The following SLC6A7 variants were observed in gnomAD, a reference collection of about 807,000 sequenced individuals.
SLC6A7 encodes the protein solute carrier family 6 member 7, also known as sodium-dependent proline transporter.
Under a neutral mutation model 73.1 loss-of-function variants are expected in SLC6A7, and 58 were observed. The ratio of observed to expected loss-of-function variants is 0.79; its 90% CI spans 0.64 to 0.99. SLC6A7 has a LOEUF of 0.99. Ranked by LOEUF, SLC6A7 falls within the 50% of genes least tolerant of loss-of-function variation. The pLI is 0.00. For missense variants in SLC6A7, 783 were observed against 831.4 expected (o/e 0.94, Z 0.72); for synonymous variants, 338 against 338.7 (o/e 1.00, Z 0.02).
chr5:150,194,306 G>A (rs377546002), intron 1 of SLC6A7, among the ~76,000 whole-genome samples: 4 of 152,066 alleles, frequency 2.6e-5, no homozygotes, highest in African/African-American at 4.8e-5. Flanking sequence ...GTGGGCGCCT[G>A]TAGTCCCAGC....
At chr5:150,205,307 C>A (rs4423986) in intron 12 of SLC6A7, 149 bp from the exon 13 acceptor site, 614,281 of 617,262 alleles carry the variant, frequency 1, 305,727 homozygotes, top group East Asian at 1. Flanking sequence ...CCAAAGATGG[C>A]CCACTTCAGG....
At position 150,205,486 on chromosome 5, in the gene SLC6A7, C is replaced by T. The variant is rs1485948655; in HGVS notation, c.1564C>T (p.Gln522Ter). 3.7e-6 allele frequency: 6 copies of T among 1,611,582 alleles called. No individual in the cohort carries two copies. Among genetic ancestry groups the T allele is most frequent in the African/African-American group, 1.3e-5 (1 of 74,956 alleles). The change falls in exon 13 of 14, where the codon CAG (glutamine) becomes TAG (stop). Residue 522 changes from glutamine (Q) to a stop codon, truncating the protein, a stop_gained. Coordinates refer to ENST00000230671, the MANE Select transcript of SLC6A7 (RefSeq NM_014228.5). LOFTEE classifies it high-confidence loss of function. Reference sequence around the variant, plus strand: ...CATGGTGTATAGCATCGTCAAGTACCAGCCCTCGGAGTATGGCAGTTACCG... The same window carrying T: ...CATGGTGTATAGCATCGTCAAGTACTAGCCCTCGGAGTATGGCAGTTACCG... ...ALMVYSIVKY[Q>*]PSEYGSYRFP...
At position 150,194,873 on chromosome 5, in the gene SLC6A7, T is replaced by C; in HGVS notation, c.179T>C (p.Val60Ala). 6.2e-7 allele frequency: 1 copy of C among 1,614,144 alleles called. No homozygotes were observed. Among genetic ancestry groups the C allele is most frequent in the Non-Finnish European group, 8.5e-7 (1 of 1,180,004 alleles). The change falls in exon 2 of 14, where the codon GTC becomes GCC. Residue 60 changes from valine to alanine, a missense_variant. Val to Ala is a moderately conservative substitution (Grantham distance 64, BLOSUM62 0). Coordinates refer to ENST00000230671, the MANE Select transcript of SLC6A7 (RefSeq NM_014228.5). Reference protein sequence around the residue: ...CIGYCVGLGNVWRFPYRAYTN... With the variant: ...CIGYCVGLGNAWRFPYRAYTN... ...GGCTACTGTGTAGGCCTGGGGAATGTCTGGCGCTTCCCCTATCGAGCGTAC... is the reference window on the plus strand; with the variant it reads ...GGCTACTGTGTAGGCCTGGGGAATGCCTGGCGCTTCCCCTATCGAGCGTAC...
chr5:150,205,722 C>A, intron 13 of SLC6A7, 99 bp downstream of exon 13: 6 of 1,093,334 alleles, frequency 5.5e-6, no homozygotes, highest in Non-Finnish European at 7.8e-6. Context: ...CACCCCTTAT[C>A]CAGCTTCTTT....
In SLC6A7 at chr5:150,203,991, C is replaced by T. The variant is rs1275326056; in HGVS notation, c.1285C>T (p.Leu429Phe). 1 of 1,613,792 alleles carries T rather than the reference C, an allele frequency of 6.2e-7. No homozygotes were observed. The highest frequency in any genetic ancestry group is 1.7e-5 in the Admixed American group (1 of 59,982). Residue 429 changes from leucine (L) to phenylalanine (F), a missense_variant, in exon 10 of 14, where the codon CTC becomes TTC. Physicochemically the swap from Leu to Phe is conservative, Grantham distance 22 (BLOSUM62 0). Coordinates refer to ENST00000230671, the MANE Select transcript of SLC6A7 (RefSeq NM_014228.5). Reference sequence around the variant, plus strand: ...GCCCAAGAAGGCGGTGTTCTCAGGGCTCATCTGCGTGGCCATGTACCTGAT... The same window carrying T: ...GCCCAAGAAGGCGGTGTTCTCAGGGTTCATCTGCGTGGCCATGTACCTGAT... Reference protein sequence around the residue: ...LRPKKAVFSGLICVAMYLMGL... With the variant: ...LRPKKAVFSGFICVAMYLMGL...
At chr5:150,200,005 G>A (rs570673161) in intron 5 of SLC6A7, among the ~76,000 whole-genome samples, 2 of 152,304 alleles carry the variant, frequency 1.3e-5, no homozygotes, top group East Asian at 3.9e-4. Flanking sequence ...TAATCCCTGT[G>A]GCCCGGAGGA....
rs374291484 is a variant in SLC6A7 at position 150,194,894 on chromosome 5, C to T, written c.200C>T (p.Ala67Val). Residue 67 changes from alanine to valine, a missense_variant, in exon 2 of 14, where the codon GCG becomes GTG. Physicochemically the swap from Ala to Val is moderately conservative, Grantham distance 64. Coordinates refer to ENST00000230671, the MANE Select transcript of SLC6A7 (RefSeq NM_014228.5). The part of the protein sequence containing the change: ...LGNVWRFPYR[A>V]YTNGGGAFLV... ...AATGTCTGGCGCTTCCCCTATCGAGCGTACACCAATGGAGGAGGTATGGGC... is the reference window on the plus strand; with the variant it reads ...AATGTCTGGCGCTTCCCCTATCGAGTGTACACCAATGGAGGAGGTATGGGC... 6.3e-5 allele frequency: 102 copies of T among 1,613,910 alleles called. 1 individual carries two copies. The South Asian group carries it at 7.1e-4, about 11-fold the overall frequency.
chr5:150,202,514 G>A, intron 7 of SLC6A7, 64 bp downstream of exon 7: 3 of 1,610,416 alleles, frequency 1.9e-6, no homozygotes, highest in Non-Finnish European at 2.5e-6. Flanking sequence ...GCTGGCCAGG[G>A]AGGGCCTCAG....
At chr5:150,195,244 C>T in intron 2 of SLC6A7, 1 of 228,800 alleles carries the variant, frequency 4.4e-6, no homozygotes, top group Non-Finnish European at 8.7e-6. Context: ...CCGATGATCA[C>T]TGCACTTTCA....
intron 1 of SLC6A7, 24 bp downstream of exon 1, chr5:150,190,384 TG>T (rs1199082277): frequency 2.0e-6 from 3 of 1,476,444 alleles, no homozygotes; most frequent in South Asian, 2.6e-5. Flanking sequence ...GCGGGGGCGC[TG>T]GGGGTGCACC....
intron 4 of SLC6A7, among the ~76,000 whole-genome samples, chr5:150,197,761 G>A (rs1027154306): frequency 3.3e-5 from 5 of 152,126 alleles, no homozygotes; most frequent in Admixed American, 6.5e-5. Context: ...TATTTATTGA[G>A]CAACTGCTAT....
In SLC6A7 at chr5:150,190,378, G is replaced by A. The variant is rs1197576041; in HGVS notation, c.33+18G>A. ...TCCGCAAGGTAGGGCACGAGGGCGG[G>A]GGCGCTGGGGGTGCACCTGGAGGAG... On this transcript the variant is annotated intron_variant, in intron 1 of 13. Coordinates refer to ENST00000230671, the MANE Select transcript of SLC6A7 (RefSeq NM_014228.5). 17 of 1,481,330 alleles carry A rather than the reference G, an allele frequency of 1.1e-5. No individual in the cohort carries two copies. The highest frequency in any genetic ancestry group is 1.3e-5 in the Non-Finnish European group (15 of 1,116,502). The allele number at this position is 1,481,330 out of a possible 1,614,324, so 91.8% of individuals were successfully genotyped here.
intron 13 of SLC6A7, among the ~76,000 whole-genome samples, chr5:150,207,410 C>T (rs773121869): frequency 6.6e-6 from 1 of 152,160 alleles, no homozygotes; most frequent in Non-Finnish European, 1.5e-5. Context: ...CACCTGCCAC[C>T]ACGTCCAGCT....
chr5:150,206,259 C>A (rs575235305), intron 13 of SLC6A7, among the ~76,000 whole-genome samples: 2 of 152,242 alleles, frequency 1.3e-5, no homozygotes, highest in Admixed American at 1.3e-4. Context: ...TGGCAAGAGA[C>A]CATCATCATG....
At chr5:150,193,432 T>C (rs1054078776) in intron 1 of SLC6A7, among the ~76,000 whole-genome samples, 1 of 152,132 alleles carries the variant, frequency 6.6e-6, no homozygotes, top group Admixed American at 6.5e-5. Flanking sequence ...GAGCCAAAAT[T>C]CACAAAATTC....
At position 150,203,820 on chromosome 5, in the gene SLC6A7, G is replaced by GGGGTGT. The variant is rs1554116763; in HGVS notation, c.1200+42_1200+43insGGTGTG. ...GGCAGCAGGCACCCCGTGTGTGTGT[G>GGGGTGT]GTGTGTGTGTGTGTGTGTGTGTGTG... On this transcript the variant is annotated intron_variant, in intron 9 of 13. Coordinates refer to ENST00000230671, the MANE Select transcript of SLC6A7 (RefSeq NM_014228.5). 28 of 802,618 alleles carry GGGGTGT rather than the reference G, an allele frequency of 3.5e-5. No homozygotes were observed. In the African/African-American group the frequency reaches 3.8e-4, roughly 11 times the overall value. 49.7% of individuals were successfully genotyped at this position (802,618 alleles called of 1,614,324 possible). A position where few individuals can be genotyped will look rare whatever the true frequency, so the allele number is the denominator to read the frequency against.
chr5:150,199,546 G>A (rs537669043), intron 5 of SLC6A7, among the ~76,000 whole-genome samples, 180 bp downstream of exon 5: 16 of 152,284 alleles, frequency 1.1e-4, no homozygotes, highest in African/African-American at 3.9e-4. Context: ...AGGTGAGGAC[G>A]CACGGGGGCA....
intron 11 of SLC6A7, 49 bp downstream of exon 11, chr5:150,204,680 TGGGAG>T: frequency 6.8e-7 from 1 of 1,461,982 alleles, no homozygotes; most frequent in Non-Finnish European, 9.6e-7. Context: ...AGTGGGAGAA[TGGGAG>T]TCTACCCTGG....
chr5:150,193,136 G>T (rs1024388512), intron 1 of SLC6A7, among the ~76,000 whole-genome samples: 1 of 152,190 alleles, frequency 6.6e-6, no homozygotes, highest in African/African-American at 2.4e-5. Flanking sequence ...AGCTCTTCAT[G>T]CTCTGTCATT....
Sources: gnomAD v4.1 joint callset for allele counts (sites outside exome capture counted in the v4.1 genomes callset) on GRCh38, gnomAD v4.1.1 for gene constraint, MANE v1.5 for transcripts, NCBI Gene and HGNC (gene_info 2026-07-23, HGNC 2026-07-21) for gene names.